DGKH: variants seen among roughly 807,000 people sequenced by gnomAD.
DGKH encodes the protein DAG kinase eta.
In DGKH, 90 loss-of-function variants were observed where a neutral mutation model predicts 159.3. The observed-to-expected ratio is 0.57, with a 90% confidence interval of 0.48 to 0.67. The LOEUF is 0.67. Among genes scored for constraint, DGKH ranks in the 30% least tolerant of loss-of-function variants. DGKH has a pLI of 0.00. For missense variants in DGKH, 1,181 were observed against 1,506.1 expected (o/e 0.78, Z 3.57); for synonymous variants, 536 against 553.8 (o/e 0.97, Z 0.45).
At chr13:42,227,406 A>G (rs1958160835) in intron 29 of DGKH, among the ~76,000 whole-genome samples, 1 of 152,228 alleles carries the variant, frequency 6.6e-6, no homozygotes, top group Non-Finnish European at 1.5e-5. Flanking sequence ...CAATGTATTT[A>G]TGGCCTAAAA....
At chr13:42,119,263 G>A (rs921586491) in intron 1 of DGKH, among the ~76,000 whole-genome samples, 1 of 152,114 alleles carries the variant, frequency 6.6e-6, no homozygotes, top group African/African-American at 2.4e-5. Context: ...GCATATTTTA[G>A]GCATTTTCAG....
chr13:42,136,956 T>C (rs1008469709), intron 3 of DGKH, among the ~76,000 whole-genome samples: 2 of 152,204 alleles, frequency 1.3e-5, no homozygotes, highest in African/African-American at 2.4e-5. Flanking sequence ...AACATACTCT[T>C]ATGGCACATC....
chr13:42,174,116 G>A lies in DGKH; in HGVS notation c.1424G>A (p.Gly475Glu). 1 of 1,613,062 alleles carries A rather than the reference G, an allele frequency of 6.2e-7. No individual in the cohort carries two copies. The highest frequency in any genetic ancestry group is 8.5e-7 in the Non-Finnish European group (1 of 1,179,778). Residue 475 changes from glycine (G) to glutamate (E), a missense_variant, in exon 12 of 30, where the codon GGA becomes GAA. Physicochemically the swap from Gly to Glu is moderately conservative, Grantham distance 98. Transcript: ENST00000337343. ...CCACCAAAAGCTTCCCTACTTCCAG[G>A]ACCTCCAGAAGCATCTGAAGAATTT... Reference protein sequence around the residue: ...KLPPKASLLPGPPEASEEFYM... With the variant: ...KLPPKASLLPEPPEASEEFYM...
At chr13:42,162,726 C>A (rs2137989450) in intron 7 of DGKH, among the ~76,000 whole-genome samples, 1 of 152,122 alleles carries the variant, frequency 6.6e-6, no homozygotes, top group Non-Finnish European at 1.5e-5. Context: ...GTTGCTTGAA[C>A]CCTGGAGGTG....
intron 1 of DGKH, among the ~76,000 whole-genome samples, chr13:42,118,953 T>A (rs967645697): frequency 5.9e-5 from 9 of 152,230 alleles, no homozygotes; most frequent in Non-Finnish European, 1.2e-4. Context: ...AGACCAAACA[T>A]TAACTTTTCT....
In DGKH at chr13:42,049,084, A is replaced by G. The variant is rs539058805; in HGVS notation, c.192+119A>G. On this transcript the variant is annotated intron_variant, in intron 1 of 29. Transcript: ENST00000337343. ...GCGGGGAAGGCGGGGAAGGCGGGGA[A>G]GGCGGGGAAGGCGGGGAAGGCGGGG... The G allele has an allele frequency of 1.4e-4, 47 of 342,444 alleles. No homozygotes were observed. In the African/African-American group the frequency reaches 1.5e-3, roughly 11 times the overall value. The allele number at this position is 342,444 out of a possible 1,614,324, so 21.2% of individuals were successfully genotyped here.
rs35380630 is a variant in DGKH at position 42,101,772 on chromosome 13, T to TGAGA, written c.193-25672_193-25669dup. Among the ~76,000 whole-genome samples the TGAGA allele has an allele frequency of 1.4e-3, 209 of 148,954 alleles. 1 individual carries two copies. In the South Asian group the frequency reaches 0.024, roughly 17 times the overall value. On this transcript the variant is annotated intron_variant, in intron 1 of 29. Coordinates refer to ENST00000337343, the MANE Select transcript of DGKH (RefSeq NM_178009.5). Reference sequence around the variant, plus strand: ...AGAGGTATGTGTGTATGTGTGTGTGTGAGAGAGAGAGAGAGAGAGAGAAAG... The same window carrying TGAGA: ...AGAGGTATGTGTGTATGTGTGTGTGTGAGAGAGAGAGAGAGAGAGAGAGAGAAAG...
At chr13:42,178,338 TA>T in intron 13 of DGKH, 118 bp downstream of exon 13, 1 of 695,782 alleles carries the variant, frequency 1.4e-6, no homozygotes, top group Non-Finnish European at 2.2e-6. Context: ...AAGTAGCTTA[TA>T]AAATTAGATG....
chr13:42,079,518 G>T (rs2137715730), intron 1 of DGKH, among the ~76,000 whole-genome samples: 1 of 152,170 alleles, frequency 6.6e-6, no homozygotes, highest in Non-Finnish European at 1.5e-5. Flanking sequence ...TATTCTTAAA[G>T]AAACCTCTAG....
At chr13:42,210,552 G>A in intron 23 of DGKH, 50 bp from the exon 24 acceptor site, 1 of 1,544,376 alleles carries the variant, frequency 6.5e-7, no homozygotes, top group Non-Finnish European at 8.8e-7. Context: ...CATTTACATG[G>A]ACCTCTGAGT....
chr13:42,053,508 C>G lies in DGKH; in HGVS notation c.192+4543C>G, dbSNP rs550502964. Among the ~76,000 whole-genome samples, 53 of 144,642 alleles carry G rather than the reference C, an allele frequency of 3.7e-4. No homozygotes were observed. In the South Asian group the frequency reaches 0.011, roughly 31 times the overall value. 94.9% of individuals were successfully genotyped at this position (144,642 alleles called of 152,430 possible). ...TATAACTATATGTATAGAACTGTAA[C>G]TATACATAACTATATATAACTATAT... is the stretch of plus-strand genomic sequence containing the variant. On this transcript the variant is annotated intron_variant, in intron 1 of 29. Coordinates refer to ENST00000337343, the MANE Select transcript of DGKH (RefSeq NM_178009.5).
Position 42,141,547 on chromosome 13 carries a change from T to A in DGKH, c.384+11915T>A, listed in dbSNP as rs566107593. On this transcript the variant is annotated intron_variant, in intron 3 of 29. Transcript: ENST00000337343. ...GTAAAAGTGTTCCTATATCTCCACA[T>A]CCTCTCCAGCACCTGTTGTTTCCTG... Among the ~76,000 whole-genome samples, 25 of 152,316 alleles carry A rather than the reference T, an allele frequency of 1.6e-4. No individual in the cohort carries two copies. In the South Asian group the frequency reaches 5.2e-3, roughly 32 times the overall value.
chr13:42,040,523 C>A (rs1830709784), intron 1 of DGKH, among the ~76,000 whole-genome samples: 1 of 149,408 alleles, frequency 6.7e-6, no homozygotes, highest in Admixed American at 6.6e-5. Flanking sequence ...GGGCGGGTAG[C>A]GGGGAGGAAA....
In DGKH at chr13:42,235,535, A is replaced by G. The variant is rs1320450581; in HGVS notation, c.*6347A>G. On this transcript the variant is annotated 3_prime_UTR_variant, in exon 30 of 30. Transcript: ENST00000337343. ...GATAATGCAGTTACATATACAAACT[A>G]AAAAAGGAAAAAGAATATATTTTGT... is the stretch of plus-strand genomic sequence containing the variant. 6.6e-6 allele frequency: 1 copy of G among 152,166 alleles called. No homozygotes were observed. Among genetic ancestry groups the G allele is most frequent in the Non-Finnish European group, 1.5e-5 (1 of 67,998 alleles). The allele number at this position is 152,166 out of a possible 1,614,324, so 9.4% of individuals were successfully genotyped here.
intron 1 of DGKH, among the ~76,000 whole-genome samples, chr13:42,071,741 C>T (rs1403383514): frequency 2.0e-5 from 3 of 152,214 alleles, no homozygotes; most frequent in African/African-American, 4.8e-5. Flanking sequence ...ACTTCTCTGA[C>T]TCATCAAGAG....
rs553115667 is a variant in DGKH, at chr13:42,099,775, G to A, written c.193-27688G>A. On this transcript the variant is annotated intron_variant, in intron 1 of 29. Transcript: ENST00000337343. ...GCGTGTGAAGGTGAAATGTGTTGTC[G>A]AAAATGATAAAGCAAGATGATGGAG... Among the ~76,000 whole-genome samples the A allele has an allele frequency of 2.3e-4, 35 of 152,250 alleles. 1 individual carries two copies. The highest frequency in any genetic ancestry group is 7.5e-4 in the African/African-American group (31 of 41,548).
intron 1 of DGKH, among the ~76,000 whole-genome samples, chr13:42,043,132 T>C (rs2137622913): frequency 6.6e-6 from 1 of 152,308 alleles, no homozygotes; most frequent in South Asian, 2.1e-4. Context: ...ATGGACCCTT[T>C]TTCCCTCAAA....
chr13:42,117,838 C>T (rs1215191310), intron 1 of DGKH, among the ~76,000 whole-genome samples: 6 of 152,162 alleles, frequency 3.9e-5, no homozygotes, highest in African/African-American at 1.4e-4. Context: ...TTTTCTGCCC[C>T]TCCAGAGGTA....
At chr13:42,173,010 C>A (rs150786914) in intron 11 of DGKH, among the ~76,000 whole-genome samples, 1 of 151,168 alleles carries the variant, frequency 6.6e-6, no homozygotes, top group East Asian at 2.0e-4. Context: ...CTGGCTCTGT[C>A]GCCCAGGCTG....
Sources: gnomAD v4.1 joint callset for allele counts (sites outside exome capture counted in the v4.1 genomes callset) on GRCh38, gnomAD v4.1.1 for gene constraint, MANE v1.5 for transcripts, NCBI Gene and HGNC (gene_info 2026-07-23, HGNC 2026-07-21) for gene names.